The following CYRIA variants were observed in gnomAD, a reference collection of about 807,000 sequenced individuals.
The protein encoded by CYRIA is CYFIP-related Rac1 interactor A.
Under a neutral mutation model 43.9 loss-of-function variants are expected in CYRIA, and 15 were observed. That is an observed-to-expected ratio of 0.34 (90% CI 0.23 to 0.53). The LOEUF (loss-of-function observed/expected upper bound fraction) is 0.53, where lower values mean the gene tolerates loss of function less well. CYRIA is among the 20% of genes least tolerant of loss of function. CYRIA has a pLI of 0.94. For synonymous variants in CYRIA, 117 were observed against 136.0 expected (o/e 0.86, Z 0.97); for missense variants, 236 against 394.2 (o/e 0.60, Z 3.40).
At chr2:16,566,127 A>T (rs989181113) in intron 3 of CYRIA, among the ~76,000 whole-genome samples, 2 of 152,158 alleles carry the variant, frequency 1.3e-5, no homozygotes, top group African/African-American at 4.8e-5. Context: ...TGGTCTTTTT[A>T]TTATTTTATT....
rs1666271086 is a variant in CYRIA, at chr2:16,550,586, A to G, written c.*2350T>C. 6.6e-6 allele frequency: 1 copy of G among 152,084 alleles called. No individual in the cohort carries two copies. Among genetic ancestry groups the G allele is most frequent in the Non-Finnish European group, 1.5e-5 (1 of 68,002 alleles). The allele number at this position is 152,084 out of a possible 1,614,324, so 9.4% of individuals were successfully genotyped here. On this transcript the variant is annotated 3_prime_UTR_variant, in exon 12 of 12. Coordinates refer to ENST00000381323, the MANE Select transcript of CYRIA (RefSeq NM_030797.4). The stretch of plus-strand genomic sequence containing the variant: ...GAGGCAGGACAGCAGCCCCTTCCAT[A>G]TGTTTGGTCCCATTTGATAGAAAGT...
intron 1 of CYRIA, among the ~76,000 whole-genome samples, chr2:16,664,132 T>C (rs1670331022): frequency 6.6e-6 from 1 of 152,160 alleles, no homozygotes; most frequent in Non-Finnish European, 1.5e-5. Flanking sequence ...TTTTTAGCAC[T>C]GAGGCAGTAT....
Position 16,588,191 on chromosome 2 carries a change from A to G in CYRIA, c.-10-62T>C. 3 of 1,125,306 alleles carry G rather than the reference A, an allele frequency of 2.7e-6. No individual in the cohort carries two copies. In the South Asian group the frequency reaches 4.3e-5, roughly 16 times the overall value. 69.7% of individuals were successfully genotyped at this position (1,125,306 alleles called of 1,614,324 possible). On this transcript the variant is annotated intron_variant, in intron 2 of 11. Coordinates refer to ENST00000381323, the MANE Select transcript of CYRIA (RefSeq NM_030797.4). ...ACATAAAAAAAATAGACTTGCGTGA[A>G]TATCCCTGGGCCCCCCATAGCTACC...
At chr2:16,619,812 C>G (rs534014859) in intron 2 of CYRIA, among the ~76,000 whole-genome samples, 1 of 152,280 alleles carries the variant, frequency 6.6e-6, no homozygotes, top group South Asian at 2.1e-4. Flanking sequence ...TCCTCCTCAC[C>G]CATGACAGAG....
chr2:16,620,803 C>T (rs903998608), intron 2 of CYRIA, among the ~76,000 whole-genome samples: 2 of 152,136 alleles, frequency 1.3e-5, no homozygotes, highest in Admixed American at 1.3e-4. Flanking sequence ...CACAGGATTC[C>T]CCGAGGCACA....
chr2:16,645,002 AC>A (rs1669781128), intron 1 of CYRIA, among the ~76,000 whole-genome samples: 2 of 152,336 alleles, frequency 1.3e-5, no homozygotes, highest in African/African-American at 4.8e-5. Context: ...TGATGTTGGT[AC>A]AAATCAGGAA....
intron 3 of CYRIA, among the ~76,000 whole-genome samples, chr2:16,586,001 C>G (rs1667719209): frequency 1.3e-5 from 2 of 152,030 alleles, no homozygotes; most frequent in Admixed American, 1.3e-4. Flanking sequence ...TAGACTTGAC[C>G]AAGAACTCAA....
chr2:16,659,917 A>G (rs1231866453), intron 1 of CYRIA, among the ~76,000 whole-genome samples: 1 of 152,054 alleles, frequency 6.6e-6, no homozygotes. Flanking sequence ...ATATGGGAGT[A>G]AGCTGGTCCC....
At chr2:16,665,407 G>A (rs1478790165) in intron 1 of CYRIA, among the ~76,000 whole-genome samples, 1 of 151,946 alleles carries the variant, frequency 6.6e-6, no homozygotes. Context: ...GGGGCCTCGG[G>A]TGGTGGGAAG....
chr2:16,636,137 G>A (rs112449572), intron 1 of CYRIA, among the ~76,000 whole-genome samples: 4,852 of 152,160 alleles, frequency 0.032, 259 homozygotes, highest in African/African-American at 0.11. Context: ...AACCACAGCC[G>A]TTGCTGGAAG....
chr2:16,653,942 G>A (rs1670035909), intron 1 of CYRIA, among the ~76,000 whole-genome samples: 1 of 152,134 alleles, frequency 6.6e-6, no homozygotes, highest in Non-Finnish European at 1.5e-5. Flanking sequence ...ATGGACTTTG[G>A]GTGAGCTAAA....
At chr2:16,575,878 AAAATAAATAAATAAAT>A (rs71297007) in intron 3 of CYRIA, among the ~76,000 whole-genome samples, 1 of 147,996 alleles carries the variant, frequency 6.8e-6, no homozygotes, top group South Asian at 2.2e-4. Flanking sequence ...ATAAATAAAT[AAAATAAATAAATAAAT>A]AAATAAATAA....
chr2:16,592,778 C>A (rs2103466742), intron 2 of CYRIA, among the ~76,000 whole-genome samples: 1 of 152,134 alleles, frequency 6.6e-6, no homozygotes, highest in South Asian at 2.1e-4. Flanking sequence ...TTAGCTATGA[C>A]TTTTTCCTTG....
At chr2:16,562,924 C>T (rs1387384145) in intron 5 of CYRIA, among the ~76,000 whole-genome samples, 1 of 152,136 alleles carries the variant, frequency 6.6e-6, no homozygotes, top group African/African-American at 2.4e-5. Context: ...GACAGGACGG[C>T]CCACAACTCT....
intron 10 of CYRIA, among the ~76,000 whole-genome samples, chr2:16,558,956 G>A (rs1666627385): frequency 6.6e-6 from 1 of 152,088 alleles, no homozygotes; most frequent in Non-Finnish European, 1.5e-5. Context: ...AAGAGGAAGG[G>A]CTCTCTCGGC....
intron 5 of CYRIA, 152 bp from the exon 6 acceptor site, chr2:16,562,293 A>T: frequency 1.2e-6 from 1 of 836,982 alleles, no homozygotes; most frequent in Non-Finnish European, 1.7e-6. Context: ...TGGACGAGGA[A>T]GAGAAGGAAT....
chr2:16,588,625 C>T (rs973143810), intron 2 of CYRIA, among the ~76,000 whole-genome samples: 1 of 152,024 alleles, frequency 6.6e-6, no homozygotes, highest in African/African-American at 2.4e-5. Flanking sequence ...GGAAAGACAA[C>T]AAAGACGGCA....
chr2:16,613,085 C>T (rs561273173), intron 2 of CYRIA, among the ~76,000 whole-genome samples: 1 of 152,328 alleles, frequency 6.6e-6, no homozygotes, highest in East Asian at 1.9e-4. Flanking sequence ...GTCAATTAAA[C>T]CTCTTTCCTT....
chr2:16,618,941 A>T (rs1158816470), intron 2 of CYRIA, among the ~76,000 whole-genome samples: 1 of 152,200 alleles, frequency 6.6e-6, no homozygotes, highest in Non-Finnish European at 1.5e-5. Context: ...CTGAAGCCCC[A>T]TAGGCTTGTG....
Sources: gnomAD v4.1 joint callset for allele counts (sites outside exome capture counted in the v4.1 genomes callset) on GRCh38, gnomAD v4.1.1 for gene constraint, MANE v1.5 for transcripts, NCBI Gene and HGNC (gene_info 2026-07-23, HGNC 2026-07-21) for gene names.